LRRC4C: variants seen among roughly 807,000 people sequenced by gnomAD.
LRRC4C encodes leucine rich repeat containing 4C.
In LRRC4C, 5 loss-of-function variants were observed where a neutral mutation model predicts 33.6. The ratio of observed to expected loss-of-function variants is 0.15; its 90% CI spans 0.08 to 0.31. LRRC4C has a LOEUF of 0.31. Ranked by LOEUF, LRRC4C falls within the 10% of genes least tolerant of loss-of-function variation. LRRC4C has a pLI of 1.00. For missense variants in LRRC4C, 560 were observed against 796.7 expected (o/e 0.70, Z 3.58); for synonymous variants, 329 against 302.0 (o/e 1.09, Z -0.93).
intron 3 of LRRC4C, among the ~76,000 whole-genome samples, chr11:40,552,158 T>C (rs1417600424): frequency 1.3e-5 from 2 of 152,222 alleles, no homozygotes; most frequent in Non-Finnish European, 2.9e-5. Context: ...GTCAATTTCT[T>C]AAAATGACTA....
chr11:41,216,876 C>T (rs1038575970), intron 1 of LRRC4C, among the ~76,000 whole-genome samples: 2 of 151,684 alleles, frequency 1.3e-5, no homozygotes, highest in Non-Finnish European at 2.9e-5. Context: ...ATTTAGATAC[C>T]TATCTATGTT....
In LRRC4C at chr11:40,231,357, G is replaced by A. The variant is rs141319500; in HGVS notation, c.-96+10162C>T. On this transcript the variant is annotated intron_variant, in intron 5 of 6. Coordinates refer to ENST00000528697, the MANE Select transcript of LRRC4C (RefSeq NM_001258419.2). ...ATGATATGTCATTTTGAATATCACCGCACAACTATTTTTATTATAATAATC... is the reference window on the plus strand; with the variant it reads ...ATGATATGTCATTTTGAATATCACCACACAACTATTTTTATTATAATAATC... Among the ~76,000 whole-genome samples the A allele has an allele frequency of 1.4e-3, 218 of 152,142 alleles. 2 individuals are homozygous for A. The highest frequency in any genetic ancestry group is 5.0e-3 in the African/African-American group (208 of 41,500).
Position 41,272,740 on chromosome 11 carries a change from C to T in LRRC4C, c.-496+186691G>A, listed in dbSNP as rs191864963. Among the ~76,000 whole-genome samples, 283 of 152,218 alleles carry T rather than the reference C, an allele frequency of 1.9e-3. 1 individual carries two copies. The highest frequency in any genetic ancestry group is 6.6e-3 in the African/African-American group (276 of 41,544). ...CTTATCTTTCAAAAAAGAAGGTATG[C>T]TTATTTCCCCTTCTTACTTAGCTGA... is the stretch of plus-strand genomic sequence containing the variant. On this transcript the variant is annotated intron_variant, in intron 1 of 6. Coordinates refer to ENST00000528697, the MANE Select transcript of LRRC4C (RefSeq NM_001258419.2).
chr11:40,848,779 A>G (rs1447892033), intron 2 of LRRC4C, among the ~76,000 whole-genome samples: 3 of 152,218 alleles, frequency 2.0e-5, no homozygotes, highest in Non-Finnish European at 4.4e-5. Flanking sequence ...GTGGGAGTCT[A>G]TGTCTCCTTG....
chr11:41,423,141 T>C (rs1273506438), intron 1 of LRRC4C, among the ~76,000 whole-genome samples: 1 of 152,026 alleles, frequency 6.6e-6, no homozygotes, highest in Non-Finnish European at 1.5e-5. Context: ...ACATGAATTT[T>C]TAAGAATGAA....
At chr11:41,107,255 T>C (rs183922999) in intron 1 of LRRC4C, among the ~76,000 whole-genome samples, 109 of 152,190 alleles carry the variant, frequency 7.2e-4, no homozygotes, top group African/African-American at 2.5e-3. Flanking sequence ...CCTATATTAA[T>C]AAACACCTTC....
rs7117676 is a variant in LRRC4C, at chr11:41,411,798, G to A, written c.-496+47633C>T. Reference sequence around the variant, plus strand: ...TTCCTCCCACATCCCAAAGAGATGCGTGTTAGGTAAATTTGTGGGTCTAAA... The same window carrying A: ...TTCCTCCCACATCCCAAAGAGATGCATGTTAGGTAAATTTGTGGGTCTAAA... On this transcript the variant is annotated intron_variant, in intron 1 of 6. Transcript: ENST00000528697. Among the ~76,000 whole-genome samples, 606 of 152,194 alleles carry A rather than the reference G, an allele frequency of 4.0e-3. 3 individuals carry two copies. Among genetic ancestry groups the A allele is most frequent in the African/African-American group, 0.011 (475 of 41,522 alleles).
intron 1 of LRRC4C, among the ~76,000 whole-genome samples, chr11:41,411,179 T>C (rs968274704): frequency 3.5e-5 from 5 of 141,394 alleles, no homozygotes; most frequent in African/African-American, 5.3e-5. Flanking sequence ...GATGGAGTCT[T>C]GCTCTGTCGC....
rs142710291 is a variant in LRRC4C at position 41,011,201 on chromosome 11, A to G, written c.-495-77478T>C. On this transcript the variant is annotated intron_variant, in intron 1 of 6. Transcript: ENST00000528697. ...TTTTATTAATGTTGCTGTTGTTTTC[A>G]TGATCATCACCATCATCATCATTAT... 4.1e-3 allele frequency among the ~76,000 whole-genome samples: 622 copies of G among 152,268 alleles called. 4 individuals carry two copies. Among genetic ancestry groups the G allele is most frequent in the African/African-American group, 0.014 (592 of 41,570 alleles).
chr11:40,467,977 A>G, intron 3 of LRRC4C, among the ~76,000 whole-genome samples: 1 of 152,108 alleles, frequency 6.6e-6, no homozygotes, highest in East Asian at 1.9e-4. Flanking sequence ...GGCTGTGCAA[A>G]TTTGCTGCAG....
chr11:40,841,089 C>A (rs1952892025), intron 2 of LRRC4C, among the ~76,000 whole-genome samples: 1 of 152,136 alleles, frequency 6.6e-6, no homozygotes, highest in Non-Finnish European at 1.5e-5. Flanking sequence ...TAAAGAATAT[C>A]CACTGCATCT....
intron 3 of LRRC4C, among the ~76,000 whole-genome samples, chr11:40,394,642 A>G (rs1264473200): frequency 6.6e-6 from 1 of 152,176 alleles, no homozygotes; most frequent in East Asian, 1.9e-4. Context: ...ATGACCCAAA[A>G]GAAGCTCTGT....
Position 41,207,229 on chromosome 11 carries a change from G to A in LRRC4C, c.-496+252202C>T, listed in dbSNP as rs1331459078. Among the ~76,000 whole-genome samples, 3 of 152,164 alleles carry A rather than the reference G, an allele frequency of 2.0e-5. No individual in the cohort carries two copies. The East Asian group carries it at 5.8e-4, about 29-fold the overall frequency. On this transcript the variant is annotated intron_variant, in intron 1 of 6. Transcript: ENST00000528697. ...TGGGGAGATTTTAAAAAGTTGATAT[G>A]CCCTGTCCTAGCCTGGAAGACTCTG... is the stretch of plus-strand genomic sequence containing the variant.
intron 1 of LRRC4C, among the ~76,000 whole-genome samples, chr11:41,433,615 G>C (rs561902333): frequency 1.3e-5 from 2 of 152,124 alleles, no homozygotes; most frequent in Admixed American, 6.5e-5. Flanking sequence ...ACATGAAAAG[G>C]CTAGACTGCC....
At chr11:41,102,508 A>C (rs2135627479) in intron 1 of LRRC4C, among the ~76,000 whole-genome samples, 1 of 152,194 alleles carries the variant, frequency 6.6e-6, no homozygotes, top group Non-Finnish European at 1.5e-5. Context: ...AAACCACAGG[A>C]CCTTCTGGCT....
At chr11:41,173,962 C>T (rs545954993) in intron 1 of LRRC4C, among the ~76,000 whole-genome samples, 1 of 152,150 alleles carries the variant, frequency 6.6e-6, no homozygotes, top group South Asian at 2.1e-4. Flanking sequence ...AAATCACAAG[C>T]TTCTGCATTC....
intron 1 of LRRC4C, among the ~76,000 whole-genome samples, chr11:40,970,512 C>T (rs1851654147): frequency 6.6e-6 from 1 of 151,784 alleles, no homozygotes; most frequent in African/African-American, 2.4e-5. Flanking sequence ...TTATAAAGTA[C>T]CCAGTCTCAT....
chr11:40,790,681 A>C (rs573462302), intron 2 of LRRC4C, among the ~76,000 whole-genome samples: 2 of 152,344 alleles, frequency 1.3e-5, no homozygotes, highest in East Asian at 1.9e-4. Flanking sequence ...TGTAAAACAT[A>C]TCTTTCAGGG....
chr11:40,405,600 ACT>A (rs1184809706), intron 3 of LRRC4C, among the ~76,000 whole-genome samples: 23 of 109,934 alleles, frequency 2.1e-4, no homozygotes, highest in Non-Finnish European at 1.9e-5. Context: ...CAAGAGCAAC[ACT>A]CTATCCAAAA....
Sources: gnomAD v4.1 joint callset for allele counts (sites outside exome capture counted in the v4.1 genomes callset) on GRCh38, gnomAD v4.1.1 for gene constraint, MANE v1.5 for transcripts, NCBI Gene and HGNC (gene_info 2026-07-23, HGNC 2026-07-21) for gene names.